SUGP2: variants seen among roughly 807,000 people sequenced by gnomAD.
The protein encoded by SUGP2 is SURP and G-patch domain containing 2.
In SUGP2, 24 loss-of-function variants were observed where a neutral mutation model predicts 90.5. The ratio of observed to expected loss-of-function variants is 0.27; its 90% confidence interval spans 0.19 to 0.37. SUGP2 has a LOEUF of 0.37. Among genes scored for constraint, SUGP2 ranks in the 10% least tolerant of loss-of-function variants. SUGP2 has a pLI of 1.00. For missense variants in SUGP2, 1,233 were observed against 1,363.3 expected (o/e 0.90, Z 1.51); for synonymous variants, 473 against 513.4 (o/e 0.92, Z 1.06).
At chr19:19,010,546 T>C (rs1243155972) in intron 4 of SUGP2, among the ~76,000 whole-genome samples, 2 of 152,160 alleles carry the variant, frequency 1.3e-5, no homozygotes, top group African/African-American at 4.8e-5. Context: ...AATCGGGAGT[T>C]TGAACTGAGT....
Position 19,025,012 on chromosome 19 carries a change from C to A in SUGP2, c.1336G>T (p.Ala446Ser), listed in dbSNP as rs774773426. The A allele has an allele frequency of 1.2e-6, 2 of 1,614,144 alleles. No homozygotes were observed. Among genetic ancestry groups the A allele is most frequent in the South Asian group, 2.2e-5 (2 of 91,078 alleles). Reference protein sequence around the residue: ...LLKSVTPLLMACNAYELSVKM... With the variant: ...LLKSVTPLLMSCNAYELSVKM... ...ACACTTAGCTCGTAGGCATTGCAGG[C>A]CATAAGCAAAGGTGTGACACTCTTC... The change falls in exon 3 of 11, where the codon GCC becomes TCC. Residue 446 changes from alanine (A) to serine (S), a missense_variant. Around this residue, in one of 8 missense-constraint regions of SUGP2, gnomAD observed 59 missense variants for 92.6 expected, o/e 0.64. Coordinates refer to ENST00000452918, the MANE Select transcript of SUGP2 (RefSeq NM_001017392.5).
In SUGP2 at chr19:19,010,173, G is replaced by T; in HGVS notation, c.2020C>A (p.Leu674Ile). ...AGCCCCCGCCGCTGCCACGGAAGGAGTTTCTTCTTGAGGTTGCGGACAGCC... is the reference window on the plus strand; with the variant it reads ...AGCCCCCGCCGCTGCCACGGAAGGATTTTCTTCTTGAGGTTGCGGACAGCC... ...SRAVRNLKKK[L>I]LPWQRRGLLR... The change falls in exon 5 of 11, where the codon CTC (leucine) becomes ATC (isoleucine). Residue 674 changes from leucine (L) to isoleucine (I), a missense_variant. Coordinates refer to ENST00000452918, the MANE Select transcript of SUGP2 (RefSeq NM_001017392.5). 1 of 1,613,784 alleles carries T rather than the reference G, an allele frequency of 6.2e-7. No homozygotes were observed. Among genetic ancestry groups the T allele is most frequent in the South Asian group, 1.1e-5 (1 of 91,078 alleles).
intron 7 of SUGP2, 91 bp from the exon 8 acceptor site, chr19:19,001,765 C>G: frequency 7.4e-7 from 1 of 1,343,746 alleles, no homozygotes; most frequent in East Asian, 2.3e-5. Flanking sequence ...TTTTGGCTAA[C>G]AGTTCTCTGA....
At chr19:19,001,928 C>T (rs989587804) in intron 7 of SUGP2, among the ~76,000 whole-genome samples, 4 of 152,160 alleles carry the variant, frequency 2.6e-5, no homozygotes, top group African/African-American at 9.7e-5. Flanking sequence ...CGGTGCCTTG[C>T]TTTTGGAAAG....
At chr19:19,014,175 T>C (rs2058407773) in intron 4 of SUGP2, among the ~76,000 whole-genome samples, 1 of 152,138 alleles carries the variant, frequency 6.6e-6, no homozygotes, top group African/African-American at 2.4e-5. Flanking sequence ...TTATTTTTAG[T>C]AGAGATGGGG....
At chr19:18,994,306 C>A in intron 10 of SUGP2, 60 bp downstream of exon 10, 3 of 1,562,516 alleles carry the variant, frequency 1.9e-6, no homozygotes, top group Non-Finnish European at 2.6e-6. Context: ...GGGGAAATTT[C>A]TCTGCATACC....
Position 18,994,443 on chromosome 19 carries a change from C to T in SUGP2, c.3172G>A (p.Glu1058Lys). ...EGEGLGADGQ[E>K]HKEDTFDVFR... is the part of the protein sequence containing the mutation. ...ACATCGAATGTGTCTTCTTTGTGCT[C>T]CTGCCCGTCAGCACCCAACCCTTCC... The change falls in exon 10 of 11, where the codon GAG becomes AAG. Residue 1058 changes from glutamate (E) to lysine (K), a missense_variant. Physicochemically the swap from Glu to Lys is moderately conservative, Grantham distance 56 (BLOSUM62 1). Around this residue, in one of 8 missense-constraint regions of SUGP2, gnomAD observed 53 missense variants for 55.3 expected, o/e 0.96. Transcript: ENST00000452918. The T allele has an allele frequency of 6.2e-7, 1 of 1,614,178 alleles. No individual in the cohort carries two copies. The highest frequency in any genetic ancestry group is 8.5e-7 in the Non-Finnish European group (1 of 1,180,018).
At chr19:19,029,689 C>T (rs2059074417) in intron 2 of SUGP2, among the ~76,000 whole-genome samples, 1 of 151,048 alleles carries the variant, frequency 6.6e-6, no homozygotes. Context: ...GTGATCCTCC[C>T]AGCACTCTGG....
chr19:18,997,988 TA>T (rs1447589706), intron 8 of SUGP2, among the ~76,000 whole-genome samples: 1 of 152,076 alleles, frequency 6.6e-6, no homozygotes, highest in Admixed American at 6.6e-5. Flanking sequence ...GAAATGTCAT[TA>T]ACCAGAGTTG....
intron 8 of SUGP2, among the ~76,000 whole-genome samples, 197 bp from the exon 9 acceptor site, chr19:18,995,477 T>C (rs1473258047): frequency 6.6e-6 from 1 of 152,230 alleles, no homozygotes; most frequent in Non-Finnish European, 1.5e-5. Flanking sequence ...CAGAGGTCAC[T>C]GGCCTGAGGT....
At chr19:19,005,740 T>C (rs1363512660) in intron 6 of SUGP2, among the ~76,000 whole-genome samples, 1 of 151,720 alleles carries the variant, frequency 6.6e-6, no homozygotes, top group Non-Finnish European at 1.5e-5. Context: ...AGTGGTGTGA[T>C]CACAGCTCAC....
Position 19,025,841 on chromosome 19 carries a change from A to C in SUGP2, c.507T>G (p.Val169=), listed in dbSNP as rs1313960912. 1.2e-6 allele frequency: 2 copies of C among 1,614,048 alleles called. No homozygotes were observed. The highest frequency in any genetic ancestry group is 1.7e-6 in the Non-Finnish European group (2 of 1,180,014). The change falls in exon 3 of 11, where the codon GTT becomes GTG. Residue 169 remains valine, a synonymous_variant. Transcript: ENST00000452918. Reference sequence around the variant, plus strand: ...GCCTGGAAGATCCAAAGTCCCCCAAAACTGCAGAGGGACCAAAACTATACT... The same window carrying C: ...GCCTGGAAGATCCAAAGTCCCCCAACACTGCAGAGGGACCAAAACTATACT... ...SQEYSFGPSA[V]LGDFGSSRLI...
chr19:18,998,748 C>T (rs75193985), intron 8 of SUGP2, among the ~76,000 whole-genome samples: 2,451 of 151,658 alleles, frequency 0.016, 74 homozygotes, highest in African/African-American at 0.057. Flanking sequence ...CTCTGCAGGG[C>T]AGTTAAGGAG....
chr19:19,000,682 G>A (rs62138089), intron 8 of SUGP2, among the ~76,000 whole-genome samples: 5,115 of 151,986 alleles, frequency 0.034, 130 homozygotes, highest in Non-Finnish European at 0.053. Flanking sequence ...GATTACAGGC[G>A]TGAATCAGTG....
rs1397319136 is a variant in SUGP2, at chr19:18,993,427, C to A, written c.*314G>T. 1 of 152,266 alleles carries A rather than the reference C, an allele frequency of 6.6e-6. No individual in the cohort carries two copies. Among genetic ancestry groups the A allele is most frequent in the African/African-American group, 2.4e-5 (1 of 41,472 alleles). 9.4% of individuals were successfully genotyped at this position (152,266 alleles called of 1,614,324 possible). On this transcript the variant is annotated 3_prime_UTR_variant, in exon 11 of 11. Transcript: ENST00000452918. The stretch of plus-strand genomic sequence containing the variant: ...AGCCAGAGGAGCTGGTTCCTCAGCA[C>A]TCACAGGCTGAGGTGCCTTTCGGGG...
At chr19:19,024,574 G>C (rs1180524949) in intron 3 of SUGP2, 45 bp downstream of exon 3, 1 of 1,551,740 alleles carries the variant, frequency 6.4e-7, no homozygotes, top group African/African-American at 1.4e-5. Context: ...CATTACCAAA[G>C]AAACACGAAA....
intron 2 of SUGP2, among the ~76,000 whole-genome samples, chr19:19,028,299 G>A (rs1257295179): frequency 2.0e-5 from 3 of 152,212 alleles, no homozygotes; most frequent in Non-Finnish European, 4.4e-5. Context: ...CCAGATCCAA[G>A]TCGGGCCCTC....
chr19:19,010,833 T>A (rs2058283976), intron 4 of SUGP2, among the ~76,000 whole-genome samples: 1 of 151,804 alleles, frequency 6.6e-6, no homozygotes, highest in Non-Finnish European at 1.5e-5. Flanking sequence ...AAGGTTGAGC[T>A]ACATGTACTA....
rs747465103 is a variant in SUGP2 at position 19,024,805 on chromosome 19, G to A, written c.1543C>T (p.Pro515Ser). ...QDIAPSPAAFPNFEDSTLFGR... is the reference protein window; with the variant it reads ...QDIAPSPAAFSNFEDSTLFGR... The stretch of plus-strand genomic sequence containing the variant: ...AACAAAGTGGAGTCTTCGAAGTTTG[G>A]AAACGCAGCAGGTGAGGGAGCTATA... Residue 515 changes from proline (P) to serine (S), a missense_variant, in exon 3 of 11, where the codon CCA (proline) becomes TCA (serine). By Grantham distance (74) the Pro-to-Ser change is moderately conservative (BLOSUM62 -1). Around this residue, in one of 8 missense-constraint regions of SUGP2, gnomAD observed 540 missense variants for 542.6 expected, o/e 1.00. Transcript: ENST00000452918. The A allele has an allele frequency of 6.2e-7, 1 of 1,614,212 alleles. No individual in the cohort carries two copies. The highest frequency in any genetic ancestry group is 8.5e-7 in the Non-Finnish European group (1 of 1,180,030).
Sources: allele counts gnomAD v4.1 joint callset (sites outside exome capture counted in the v4.1 genomes callset), GRCh38; gene constraint gnomAD v4.1.1; regional missense constraint gnomAD v4.1.1; transcripts MANE v1.5; gene names NCBI Gene and HGNC (gene_info 2026-07-23, HGNC 2026-07-21).